Variants in PCDH15 observed in about 807,000 individuals in gnomAD.
PCDH15 encodes the protein protocadherin-15.
A neutral mutation model predicts 178.5 loss-of-function variants in PCDH15; 129 were observed. The observed-to-expected ratio is 0.72, with a 90% CI of 0.63 to 0.84. The LOEUF (loss-of-function observed/expected upper bound fraction) is 0.84, where lower values mean the gene tolerates loss of function less well. PCDH15 is among the 40% of genes least tolerant of loss of function. The probability of loss-of-function intolerance (pLI) is 0.00; values close to 1 mark genes in which losing one functional copy is unlikely to be tolerated. For synonymous variants in PCDH15, 800 were observed against 732.0 expected, an observed-to-expected ratio of 1.09 and a Z score of -1.50; for missense variants, 2,230 against 2,099.9, an observed-to-expected ratio of 1.06 and a Z score of -1.21.
At chr10:55,571,836 C>T (rs1301711305) in intron 2 of PCDH15, among the ~76,000 whole-genome samples, 1 of 152,032 alleles carries the variant, frequency 6.6e-6, no homozygotes, top group African/African-American at 2.4e-5. Flanking sequence ...AGTATGCCAA[C>T]TTGCCTTAGA....
At chr10:54,346,528 A>G (rs761316698) in intron 5 of PCDH15, 44 bp from the exon 6 acceptor site, 53 of 1,606,322 alleles carry the variant, frequency 3.3e-5, no homozygotes, top group East Asian at 1.6e-4. Flanking sequence ...CATTTTATCA[A>G]CTGCACACCA....
intron 2 of PCDH15, among the ~76,000 whole-genome samples, chr10:55,395,639 A>C (rs554536571): frequency 6.6e-6 from 1 of 152,052 alleles, no homozygotes; most frequent in Non-Finnish European, 1.5e-5. Context: ...TACAATTTAG[A>C]ATAGGAGCAA....
chr10:54,569,100 A>G (rs913969753), intron 2 of PCDH15, among the ~76,000 whole-genome samples: 1 of 152,022 alleles, frequency 6.6e-6, no homozygotes, highest in Non-Finnish European at 1.5e-5. Flanking sequence ...CCTGATATTT[A>G]AAAAATAAAA....
At chr10:55,244,797 A>G (rs1841643871) in intron 1 of PCDH15, among the ~76,000 whole-genome samples, 1 of 151,340 alleles carries the variant, frequency 6.6e-6, no homozygotes, top group East Asian at 1.9e-4. Flanking sequence ...ATGTGCAGAA[A>G]TGTAGCTGTT....
At chr10:55,208,444 C>A (rs982459579) in intron 1 of PCDH15, among the ~76,000 whole-genome samples, 3 of 151,978 alleles carry the variant, frequency 2.0e-5, no homozygotes, top group African/African-American at 7.3e-5. Flanking sequence ...ACATTCACCT[C>A]CCCCCACATA....
chr10:55,111,360 A>T (rs1448949509), intron 2 of PCDH15, among the ~76,000 whole-genome samples: 1 of 152,186 alleles, frequency 6.6e-6, no homozygotes, highest in Non-Finnish European at 1.5e-5. Context: ...TAATTAGCAC[A>T]AATGAACAAA....
intron 2 of PCDH15, among the ~76,000 whole-genome samples, chr10:55,452,296 CAT>C (rs1256681009): frequency 6.6e-6 from 1 of 152,094 alleles, no homozygotes; most frequent in Non-Finnish European, 1.5e-5. Flanking sequence ...TAATTATCCA[CAT>C]GTTTGGCCTG....
At chr10:54,062,243 A>AAAAAAAAAAC (rs1168441131) in intron 18 of PCDH15, among the ~76,000 whole-genome samples, 1 of 143,746 alleles carries the variant, frequency 7.0e-6, no homozygotes, top group Non-Finnish European at 1.5e-5. Flanking sequence ...AAAAAAAAAA[A>AAAAAAAAAAC]AAAAAAAAAC....
At chr10:54,425,754 C>A (rs965501806) in intron 3 of PCDH15, among the ~76,000 whole-genome samples, 6 of 152,064 alleles carry the variant, frequency 3.9e-5, no homozygotes, top group African/African-American at 7.2e-5. Context: ...TGACACATGA[C>A]CTTTCTTTCT....
At position 55,453,615 on chromosome 10, in the gene PCDH15, C is replaced by T. The variant is rs183316076; in HGVS notation, c.-156+174010G>A. Among the ~76,000 whole-genome samples, 38 of 152,116 alleles carry T rather than the reference C, an allele frequency of 2.5e-4. No homozygotes were observed. In the East Asian group the frequency reaches 7.2e-3, roughly 29 times the overall value. On this transcript the variant is annotated intron_variant, in intron 2 of 5. Transcript: ENST00000613346. ...GGGGTTTCGGGGGGTCAACTAGATT[C>T]TATGTTTACTTCTCAGTCCCATTTC...
chr10:54,945,183 A>G (rs989772601), intron 2 of PCDH15, among the ~76,000 whole-genome samples: 2 of 151,862 alleles, frequency 1.3e-5, no homozygotes, highest in African/African-American at 4.8e-5. Flanking sequence ...ATATTTTACA[A>G]TAACAGTGAA....
intron 30 of PCDH15, among the ~76,000 whole-genome samples, chr10:53,830,119 T>G (rs1483737881): frequency 2.6e-5 from 4 of 152,012 alleles, no homozygotes; most frequent in African/African-American, 9.7e-5. Flanking sequence ...CTGACCAACA[T>G]GGTGAAACCC....
At chr10:53,927,631 C>T (rs2084682156) in intron 25 of PCDH15, among the ~76,000 whole-genome samples, 1 of 152,032 alleles carries the variant, frequency 6.6e-6, no homozygotes, top group Admixed American at 6.6e-5. Flanking sequence ...TAGAACATGG[C>T]ATCAAACATA....
intron 2 of PCDH15, among the ~76,000 whole-genome samples, chr10:54,920,009 A>T (rs1335529582): frequency 6.6e-6 from 1 of 152,196 alleles, no homozygotes. Context: ...TCAGAAGCAT[A>T]ACAAGGGGGA....
intron 3 of PCDH15, among the ~76,000 whole-genome samples, chr10:54,491,339 A>C (rs1295460345): frequency 6.6e-6 from 1 of 151,892 alleles, no homozygotes; most frequent in Non-Finnish European, 1.5e-5. Flanking sequence ...GTTAAAAAAA[A>C]AAAAGAAATG....
At chr10:54,481,710 T>C (rs10465983) in intron 3 of PCDH15, among the ~76,000 whole-genome samples, 2,648 of 151,966 alleles carry the variant, frequency 0.017, 72 homozygotes, top group African/African-American at 0.06. Context: ...TATCTTGTAA[T>C]TCTTGATTTT....
intron 6 of PCDH15, among the ~76,000 whole-genome samples, chr10:54,334,513 G>A (rs1940613877): frequency 1.3e-5 from 2 of 152,098 alleles, no homozygotes; most frequent in African/African-American, 4.8e-5. Flanking sequence ...ATGGAATATG[G>A]GGTTATTAGC....
intron 2 of PCDH15, among the ~76,000 whole-genome samples, chr10:54,948,505 T>C (rs1822403335): frequency 6.6e-6 from 1 of 151,952 alleles, no homozygotes; most frequent in Non-Finnish European, 1.5e-5. Context: ...AAGGAGCTTC[T>C]GTAAGAGATT....
intron 2 of PCDH15, among the ~76,000 whole-genome samples, chr10:55,616,197 G>C (rs1368360327): frequency 6.6e-6 from 1 of 152,062 alleles, no homozygotes; most frequent in Non-Finnish European, 1.5e-5. Context: ...TACAAGTATT[G>C]ACAGAAAAAT....
Sources: gnomAD v4.1 joint callset for allele counts (sites outside exome capture counted in the v4.1 genomes callset) on GRCh38, gnomAD v4.1.1 for gene constraint, MANE v1.5 for transcripts, NCBI Gene and HGNC (gene_info 2026-07-23, HGNC 2026-07-21) for gene names.